Variants in AGMO observed in about 807,000 individuals in gnomAD.
The protein encoded by AGMO is alkylglycerol monooxygenase.
In AGMO, 75 loss-of-function variants were observed where a neutral mutation model predicts 60.2. The ratio of observed to expected loss-of-function variants is 1.25; its 90% confidence interval spans 1.03 to 1.51. The LOEUF (loss-of-function observed/expected upper bound fraction) is 1.51, where lower values mean the gene tolerates loss of function less well. Ranked by LOEUF, AGMO falls within the 40% of genes most tolerant of loss-of-function variation. The pLI is 0.00. For synonymous variants in AGMO, 261 were observed against 177.1 expected (o/e 1.47, Z -3.76); for missense variants, 763 against 525.5 (o/e 1.45, Z -4.42).
At chr7:15,323,064 A>T (rs910198158) in intron 12 of AGMO, among the ~76,000 whole-genome samples, 1 of 151,610 alleles carries the variant, frequency 6.6e-6, no homozygotes, top group Admixed American at 6.6e-5. Flanking sequence ...TGAGTGACTA[A>T]GGGAAAGAAA....
At chr7:15,267,206 T>A (rs1238941638) in intron 12 of AGMO, among the ~76,000 whole-genome samples, 1 of 151,952 alleles carries the variant, frequency 6.6e-6, no homozygotes, top group East Asian at 1.9e-4. Context: ...CTAATCCTCA[T>A]TATTTTCTTG....
chr7:15,323,572 G>C (rs182205011), intron 12 of AGMO, among the ~76,000 whole-genome samples: 1 of 152,062 alleles, frequency 6.6e-6, no homozygotes, highest in Non-Finnish European at 1.5e-5. Context: ...ATTTTATCTA[G>C]GTAGGTCACT....
In AGMO at chr7:15,457,234, A is replaced by T. The variant is rs193067186; in HGVS notation, c.410-26126T>A. Among the ~76,000 whole-genome samples the T allele has an allele frequency of 1.1e-3, 172 of 152,278 alleles. 1 individual carries two copies. Among genetic ancestry groups the T allele is most frequent in the African/African-American group, 3.6e-3 (151 of 41,574 alleles). On this transcript the variant is annotated intron_variant, in intron 3 of 12. Coordinates refer to ENST00000342526, the MANE Select transcript of AGMO (RefSeq NM_001004320.2). ...ATGCTTCAAAATCAGTGTTTTCTAA[A>T]AGTCTACTGTAATTCAGTGTTCAGA...
intron 12 of AGMO, among the ~76,000 whole-genome samples, chr7:15,254,379 T>TA (rs996262525): frequency 6.6e-6 from 1 of 152,182 alleles, no homozygotes; most frequent in African/African-American, 2.4e-5. Flanking sequence ...CCCCTTTCTC[T>TA]ACATCCTCGC....
intron 12 of AGMO, among the ~76,000 whole-genome samples, chr7:15,295,492 A>G (rs1044076388): frequency 6.6e-6 from 1 of 152,042 alleles, no homozygotes; most frequent in Non-Finnish European, 1.5e-5. Context: ...GAGAAAGAAG[A>G]AATGTGGGTG....
rs1439220991 is a variant in AGMO at position 15,339,758 on chromosome 7, C to CA, written c.1263+25755dup. Among the ~76,000 whole-genome samples the CA allele has an allele frequency of 4.6e-5, 7 of 152,244 alleles. No homozygotes were observed. In the East Asian group the frequency reaches 7.7e-4, roughly 17 times the overall value. On this transcript the variant is annotated intron_variant, in intron 12 of 12. Transcript: ENST00000342526. ...AAAATACCTTAGGCAAAAATCCCCC[C>CA]AAAAGTTCCTGTGTTCAGCTACCAT...
In AGMO at chr7:15,464,491, C is replaced by T. The variant is rs375318683; in HGVS notation, c.410-33383G>A. ...AACAAGTAAGTCGTACCAATGTTCA[C>T]GAATTACTTAATTCCTCTGGTAGTT... On this transcript the variant is annotated intron_variant, in intron 3 of 12. Coordinates refer to ENST00000342526, the MANE Select transcript of AGMO (RefSeq NM_001004320.2). Among the ~76,000 whole-genome samples the T allele has an allele frequency of 2.0e-4, 31 of 152,286 alleles. No homozygotes were observed. The East Asian group carries it at 5.8e-3, about 28-fold the overall frequency.
At chr7:15,425,946 A>G (rs1007125572) in intron 4 of AGMO, among the ~76,000 whole-genome samples, 3 of 152,202 alleles carry the variant, frequency 2.0e-5, no homozygotes, top group African/African-American at 7.2e-5. Flanking sequence ...TCATTAATTT[A>G]TTATGCTTTT....
chr7:15,529,656 C>CTGTATACAGAATATATATACTA (rs1583651132), intron 3 of AGMO, among the ~76,000 whole-genome samples: 4 of 27,084 alleles, frequency 1.5e-4, no homozygotes, highest in African/African-American at 8.3e-4. Flanking sequence ...ACTATATATT[C>CTGTATACAGAATATATATACTA]TATATATATT....
chr7:15,342,779 CAAAAAAAAAAAA>C (rs780336320), intron 12 of AGMO, among the ~76,000 whole-genome samples: 3 of 61,658 alleles, frequency 4.9e-5, no homozygotes, highest in African/African-American at 1.5e-4. Flanking sequence ...AGTATAGCTG[CAAAAAAAAAAAA>C]AAAAAAAAAA....
chr7:15,483,639 G>A (rs903504385), intron 3 of AGMO, among the ~76,000 whole-genome samples: 2 of 151,956 alleles, frequency 1.3e-5, no homozygotes, highest in Non-Finnish European at 2.9e-5. Context: ...TAGCTCACAT[G>A]GAAAAGCCTT....
intron 12 of AGMO, among the ~76,000 whole-genome samples, chr7:15,205,978 C>A (rs1178273551): frequency 1.3e-5 from 2 of 151,890 alleles, no homozygotes; most frequent in Non-Finnish European, 2.9e-5. Flanking sequence ...ATATGGAGTA[C>A]TTTTTTCCTA....
At chr7:15,177,006 T>G in the AGMO span, among the ~76,000 whole-genome samples, 1 of 152,102 alleles carries the variant, frequency 6.6e-6, no homozygotes, top group Non-Finnish European at 1.5e-5. Flanking sequence ...TGTCTCATTC[T>G]TGCCTAGCAA....
the AGMO span, among the ~76,000 whole-genome samples, chr7:15,159,960 A>G: frequency 6.6e-6 from 1 of 152,084 alleles, no homozygotes; most frequent in Non-Finnish European, 1.5e-5. Flanking sequence ...TTTTTTGCCT[A>G]CTGGGCACTG....
chr7:15,536,141 T>G (rs567830900), intron 3 of AGMO, among the ~76,000 whole-genome samples: 1 of 152,058 alleles, frequency 6.6e-6, no homozygotes, highest in South Asian at 2.1e-4. Flanking sequence ...CCCTAAGTTT[T>G]ACTCATTTAA....
chr7:15,120,268 C>G, the AGMO span, among the ~76,000 whole-genome samples: 1 of 152,088 alleles, frequency 6.6e-6, no homozygotes. Context: ...CCCAAGGTCA[C>G]CAGTGATGTT....
the AGMO span, among the ~76,000 whole-genome samples, chr7:15,171,320 G>A: frequency 6.6e-6 from 1 of 152,128 alleles, no homozygotes; most frequent in Admixed American, 6.6e-5. Flanking sequence ...CAGAGGTAAA[G>A]AGTCATTGTC....
At chr7:15,334,886 C>A (rs1781605372) in intron 12 of AGMO, among the ~76,000 whole-genome samples, 1 of 152,112 alleles carries the variant, frequency 6.6e-6, no homozygotes, top group African/African-American at 2.4e-5. Context: ...ACAGATCCCC[C>A]ATTTGTTCAA....
chr7:15,411,415 A>C (rs1385033516), intron 5 of AGMO, among the ~76,000 whole-genome samples: 1 of 152,120 alleles, frequency 6.6e-6, no homozygotes, highest in Non-Finnish European at 1.5e-5. Context: ...ACAGTAACAA[A>C]TAAAATCAGG....
Sources: gnomAD v4.1 joint callset for allele counts (sites outside exome capture counted in the v4.1 genomes callset) on GRCh38, gnomAD v4.1.1 for gene constraint, MANE v1.5 for transcripts, NCBI Gene and HGNC (gene_info 2026-07-23, HGNC 2026-07-21) for gene names.